TRPC3: variants seen among roughly 807,000 people sequenced by gnomAD.
The protein encoded by TRPC3 is short transient receptor potential channel 3.
TRPC3 carries 54 observed loss-of-function variants against 90.9 expected under a neutral mutation model. The observed-to-expected ratio is 0.59, with a 90% CI of 0.48 to 0.75. The LOEUF (loss-of-function observed/expected upper bound fraction) is 0.75. Among genes scored for constraint, TRPC3 ranks in the 30% least tolerant of loss-of-function variants. The pLI is 0.00. For synonymous variants in TRPC3, 424 were observed against 450.9 expected, an observed-to-expected ratio of 0.94 and a Z score of 0.75; for missense variants, 918 against 1,194.5, an observed-to-expected ratio of 0.77 and a Z score of 3.41.
At chr4:121,888,689 G>A (rs952861774) in intron 10 of TRPC3, among the ~76,000 whole-genome samples, 6 of 151,684 alleles carry the variant, frequency 4.0e-5, no homozygotes, top group South Asian at 2.1e-4. Context: ...GAGCCACCAC[G>A]CCCACCTCCA....
At chr4:121,922,424 A>G (rs1729554478) in intron 3 of TRPC3, among the ~76,000 whole-genome samples, 1 of 152,230 alleles carries the variant, frequency 6.6e-6, no homozygotes, top group African/African-American at 2.4e-5. Flanking sequence ...TATAGCATAA[A>G]ACAAACAAAA....
At chr4:121,928,524 G>A (rs1187423723) in intron 2 of TRPC3, among the ~76,000 whole-genome samples, 2 of 152,198 alleles carry the variant, frequency 1.3e-5, no homozygotes, top group African/African-American at 4.8e-5. Flanking sequence ...CCTTGAGGCC[G>A]CATTGACTGT....
intron 1 of TRPC3, among the ~76,000 whole-genome samples, chr4:121,944,338 G>A (rs1730418509): frequency 6.9e-6 from 1 of 145,638 alleles, no homozygotes; most frequent in Non-Finnish European, 1.5e-5. Flanking sequence ...CCTACCAAGG[G>A]CACAGCAACT....
intron 3 of TRPC3, among the ~76,000 whole-genome samples, chr4:121,915,410 CA>C (rs1475940446): frequency 2.0e-5 from 3 of 152,036 alleles, no homozygotes; most frequent in African/African-American, 7.2e-5. Flanking sequence ...ATGCTACATA[CA>C]AAAAAATGCA....
chr4:121,888,069 A>T (rs1408739468), intron 10 of TRPC3, among the ~76,000 whole-genome samples: 1 of 151,852 alleles, frequency 6.6e-6, no homozygotes, highest in African/African-American at 2.4e-5. Flanking sequence ...ATCATAGCTC[A>T]TTGCAGCCTC....
intron 2 of TRPC3, among the ~76,000 whole-genome samples, chr4:121,928,547 G>C (rs1233067267): frequency 6.6e-6 from 1 of 152,154 alleles, no homozygotes; most frequent in African/African-American, 2.4e-5. Context: ...ATTCCACCAC[G>C]TTACTTCACA....
intron 10 of TRPC3, among the ~76,000 whole-genome samples, chr4:121,891,645 C>A (rs1370930532): frequency 6.6e-6 from 1 of 152,148 alleles, no homozygotes; most frequent in African/African-American, 2.4e-5. Context: ...TTCCTCTCCC[C>A]CTCCCAGATT....
chr4:121,892,109 G>A (rs1014990078), intron 10 of TRPC3, among the ~76,000 whole-genome samples: 2 of 152,176 alleles, frequency 1.3e-5, no homozygotes, highest in Non-Finnish European at 2.9e-5. Context: ...GGAAAATGGT[G>A]TAAATAAAAC....
At chr4:121,925,339 G>A in intron 2 of TRPC3, 133 bp from the exon 3 acceptor site, 3 of 959,832 alleles carry the variant, frequency 3.1e-6, no homozygotes, top group Non-Finnish European at 4.5e-6. Context: ...TGCAAGGCTT[G>A]TTGAGCTGAA....
chr4:121,943,924 GT>G (rs75269797), intron 1 of TRPC3, among the ~76,000 whole-genome samples: 56 of 151,204 alleles, frequency 3.7e-4, no homozygotes, highest in African/African-American at 1.0e-3. Context: ...TTTTTAATAG[GT>G]TTTTTTTTAA....
chr4:121,919,079 G>A (rs1336304562), intron 3 of TRPC3, among the ~76,000 whole-genome samples: 1 of 152,196 alleles, frequency 6.6e-6, no homozygotes, highest in Non-Finnish European at 1.5e-5. Context: ...TTCAAAGAGA[G>A]AATGCTTGAC....
intron 10 of TRPC3, among the ~76,000 whole-genome samples, chr4:121,886,540 T>C (rs1338025065): frequency 6.6e-6 from 1 of 152,198 alleles, no homozygotes; most frequent in Non-Finnish European, 1.5e-5. Flanking sequence ...TCCAGACAGC[T>C]GGTTTAATCT....
intron 10 of TRPC3, among the ~76,000 whole-genome samples, chr4:121,883,874 T>C (rs1216699127): frequency 3.3e-5 from 5 of 152,118 alleles, no homozygotes; most frequent in African/African-American, 9.7e-5. Context: ...ATCCAGGTGG[T>C]ATTATCTTTT....
chr4:121,925,305 G>A (rs746889098), intron 2 of TRPC3, 99 bp from the exon 3 acceptor site: 14 of 1,293,908 alleles, frequency 1.1e-5, no homozygotes, highest in East Asian at 1.0e-4. Flanking sequence ...TCTTTTGGGG[G>A]TAGAAAGCTG....
intron 2 of TRPC3, among the ~76,000 whole-genome samples, chr4:121,931,166 C>A (rs905221826): frequency 2.0e-5 from 3 of 152,128 alleles, no homozygotes; most frequent in Admixed American, 1.3e-4. Context: ...TTTTCTGTAT[C>A]CTGAATTATA....
Position 121,951,365 on chromosome 4 carries a change from G to A in TRPC3, c.215+101C>T, listed in dbSNP as rs2149161025. 1.3e-6 allele frequency: 1 copy of A among 753,198 alleles called. No individual in the cohort carries two copies. The highest frequency in any genetic ancestry group is 1.9e-5 in the African/African-American group (1 of 53,430). 46.7% of individuals were successfully genotyped at this position (753,198 alleles called of 1,614,324 possible). ...GCCTGGCCGTACCATGTGGGTCTCG[G>A]AGGTCCCGGGCTCGACGTGGAGCCG... On this transcript the variant is annotated intron_variant, in intron 1 of 11. Coordinates refer to ENST00000379645, the MANE Select transcript of TRPC3 (RefSeq NM_001130698.2). The surrounding 1 kb of genome is among the most constrained non-coding windows in gnomAD (Gnocchi z 4.4).
In TRPC3 at chr4:121,879,669, A is replaced by G; in HGVS notation, c.*67T>C. 6.5e-7 allele frequency: 1 copy of G among 1,527,874 alleles called. No individual in the cohort carries two copies. The highest frequency in any genetic ancestry group is 8.8e-7 in the Non-Finnish European group (1 of 1,137,680). The allele number at this position is 1,527,874 out of a possible 1,614,324, so 94.6% of individuals were successfully genotyped here. A position where few individuals can be genotyped will look rare whatever the true frequency, so the allele number is the denominator to read the frequency against. ...AAATTTACATCATAGTTTTTCAAGT[A>G]TTTCATACTTAGAAATATTATTGCC... On this transcript the variant is annotated 3_prime_UTR_variant, in exon 12 of 12. Transcript: ENST00000379645.
intron 10 of TRPC3, among the ~76,000 whole-genome samples, chr4:121,886,088 C>A (rs77884670): frequency 6.6e-6 from 1 of 152,076 alleles, no homozygotes; most frequent in South Asian, 2.1e-4. Flanking sequence ...TTCAACCCTC[C>A]GTTAAGACTG....
chr4:121,898,561 G>A (rs113548666), intron 10 of TRPC3, among the ~76,000 whole-genome samples: 1,622 of 152,146 alleles, frequency 0.011, 24 homozygotes, highest in African/African-American at 0.037. Flanking sequence ...CCACAAAACC[G>A]GTCCCTGGTG....
Sources: allele counts gnomAD v4.1 joint callset (sites outside exome capture counted in the v4.1 genomes callset), GRCh38; gene constraint gnomAD v4.1.1; non-coding constraint Gnocchi (gnomAD v3.1); transcripts MANE v1.5; gene names NCBI Gene and HGNC (gene_info 2026-07-23, HGNC 2026-07-21).